The following KNG1 variants were observed in gnomAD, a reference collection of about 807,000 sequenced individuals.
The protein encoded by KNG1 is kininogen 1.
In KNG1, 23 loss-of-function variants were observed where a neutral mutation model predicts 47.8. The observed-to-expected ratio is 0.48, with a 90% CI of 0.35 to 0.68. The LOEUF (loss-of-function observed/expected upper bound fraction) is 0.68. KNG1 is among the 30% of genes least tolerant of loss of function. The pLI, the probability that KNG1 is intolerant of heterozygous loss-of-function variation, is 0.01. For missense variants in KNG1, 762 were observed against 790.2 expected, an observed-to-expected ratio of 0.96 and a Z score of 0.43; for synonymous variants, 277 against 277.0, an observed-to-expected ratio of 1.00 and a Z score of 0.00.
intron 6 of KNG1, 152 bp downstream of exon 6, chr3:186,731,781 C>G: frequency 1.5e-6 from 1 of 686,798 alleles, no homozygotes. Flanking sequence ...GATGAGAACA[C>G]TGTACCCCTT....
At chr3:186,727,457 T>G in intron 5 of KNG1, 113 bp downstream of exon 5, 2 of 727,140 alleles carry the variant, frequency 2.8e-6, no homozygotes, top group Non-Finnish European at 5.0e-6. Context: ...CATTCAGCAA[T>G]TCATATTCAC....
chr3:186,720,299 C>T (rs1720151327), intron 2 of KNG1, 84 bp downstream of exon 2: 1 of 817,268 alleles, frequency 1.2e-6, no homozygotes, highest in South Asian at 1.4e-5. Context: ...ATGATGGCTA[C>T]TGGTGAGCCT....
At chr3:186,724,409 T>C (rs1720291041) in intron 3 of KNG1, among the ~76,000 whole-genome samples, 1 of 152,206 alleles carries the variant, frequency 6.6e-6, no homozygotes. Flanking sequence ...TACTTGATAA[T>C]TTAATACAAA....
In KNG1 at chr3:186,742,530, A is replaced by G; in HGVS notation, c.*199A>G. 45 of 1,411,098 alleles carry G rather than the reference A, an allele frequency of 3.2e-5. No individual in the cohort carries two copies. Among genetic ancestry groups the G allele is most frequent in the Non-Finnish European group, 4.0e-5 (44 of 1,087,840 alleles). The allele number at this position is 1,411,098 out of a possible 1,614,324, so 87.4% of individuals were successfully genotyped here. On this transcript the variant is annotated 3_prime_UTR_variant, in exon 10 of 10. Coordinates refer to ENST00000644859, the MANE Select transcript of KNG1 (RefSeq NM_001102416.3). Reference sequence around the variant, plus strand: ...CATAAAATTGTGTGCCACAATTCTAACTCTTTTCTGAATCTTCTTCCCAAG... The same window carrying G: ...CATAAAATTGTGTGCCACAATTCTAGCTCTTTTCTGAATCTTCTTCCCAAG...
intron 5 of KNG1, among the ~76,000 whole-genome samples, chr3:186,730,148 ATTTTGT>A (rs1277455988): frequency 8.0e-6 from 1 of 125,756 alleles, no homozygotes; most frequent in Admixed American, 7.6e-5. Context: ...CATTTTTGTT[ATTTTGT>A]TTTTTTTTTC....
Position 186,740,477 on chromosome 3 carries a change from AC to A in KNG1, c.1126-1043del, listed in dbSNP as rs565220378. ...TACCCTTTCCATCACGATGCTGATTACCAGTAGGGTCTGGCCGGACTCCAAT... is the reference window on the plus strand; with the variant it reads ...TACCCTTTCCATCACGATGCTGATTACAGTAGGGTCTGGCCGGACTCCAAT... On this transcript the variant is annotated intron_variant, in intron 9 of 9. Coordinates refer to ENST00000644859, the MANE Select transcript of KNG1 (RefSeq NM_001102416.3). Among the ~76,000 whole-genome samples the A allele has an allele frequency of 1.2e-4, 19 of 152,344 alleles. No individual in the cohort carries two copies. In the South Asian group the frequency reaches 3.7e-3, roughly 30 times the overall value.
rs1720234567 is a variant in KNG1, at chr3:186,722,528, G to A, written c.391+7G>A. 2 of 1,606,328 alleles carry A rather than the reference G, an allele frequency of 1.2e-6. No individual in the cohort carries two copies. The highest frequency in any genetic ancestry group is 1.7e-6 in the Non-Finnish European group (2 of 1,173,676). ...ACCTGCCAGATTACTCCAGGTGGCT[G>A]GTTTATCCTCTGGCACTGCCCTGGT... is the stretch of plus-strand genomic sequence containing the variant. On this transcript the variant is annotated splice_region_variant and intron_variant, in intron 3 of 9. Transcript: ENST00000644859.
intron 4 of KNG1, among the ~76,000 whole-genome samples, chr3:186,726,789 C>T (rs775000684): frequency 2.0e-5 from 3 of 152,138 alleles, no homozygotes; most frequent in Non-Finnish European, 4.4e-5. Context: ...AATCTTACTA[C>T]TTGGTAACCT....
chr3:186,727,046 G>A (rs1243280729), intron 4 of KNG1, among the ~76,000 whole-genome samples, 191 bp from the exon 5 acceptor site: 1 of 151,532 alleles, frequency 6.6e-6, no homozygotes, highest in East Asian at 1.9e-4. Context: ...GTGTGTTTGT[G>A]TGAGAGATAT....
chr3:186,732,376 C>G, intron 6 of KNG1, 126 bp from the exon 7 acceptor site: 1 of 826,548 alleles, frequency 1.2e-6, no homozygotes. Flanking sequence ...CCTTCCCCCA[C>G]TCACTACTGG....
chr3:186,726,562 T>G (rs1720379695), intron 4 of KNG1, among the ~76,000 whole-genome samples: 1 of 152,176 alleles, frequency 6.6e-6, no homozygotes, highest in Admixed American at 6.5e-5. Flanking sequence ...AGTGCTGGGA[T>G]TACAGGCATG....
chr3:186,732,404 G>A, intron 6 of KNG1, 98 bp from the exon 7 acceptor site: 2 of 1,141,342 alleles, frequency 1.8e-6, no homozygotes, highest in Non-Finnish European at 2.7e-6. Flanking sequence ...CTCCCATGTA[G>A]CCCCTTATAC....
intron 7 of KNG1, 21 bp from the exon 8 acceptor site, chr3:186,739,078 T>C (rs1295888683): frequency 6.5e-6 from 10 of 1,545,388 alleles, no homozygotes; most frequent in Non-Finnish European, 8.9e-6. Context: ...AGCGTTTACT[T>C]TGTACTAATT....
At chr3:186,735,948 A>G (rs898637868) in intron 7 of KNG1, 1 of 152,176 alleles carries the variant, frequency 6.6e-6, no homozygotes, top group Non-Finnish European at 1.5e-5. Flanking sequence ...CAGCTCCCTT[A>G]TTCTTTATTC....
chr3:186,742,034 A>G lies in KNG1; in HGVS notation c.1638A>G (p.Thr546=), dbSNP rs750768320. Residue 546 remains threonine, a synonymous_variant, in exon 10 of 10, where the codon ACA becomes ACG. Coordinates refer to ENST00000644859, the MANE Select transcript of KNG1 (RefSeq NM_001102416.3). The part of the protein sequence containing the change: ...AQTQEKTEGP[T]PIPSLAKPGV... ...CACAAGAGAAGACAGAAGGGCCAAC[A>G]CCCATCCCTTCCCTAGCCAAGCCAG... 3 of 1,614,066 alleles carry G rather than the reference A, an allele frequency of 1.9e-6. No homozygotes were observed. The Admixed American group carries it at 5.0e-5, about 27-fold the overall frequency.
intron 6 of KNG1, among the ~76,000 whole-genome samples, chr3:186,731,892 C>G (rs962498285): frequency 6.6e-6 from 1 of 152,216 alleles, no homozygotes; most frequent in Non-Finnish European, 1.5e-5. Flanking sequence ...CCTTTGGGTA[C>G]AATGCCATCT....
At position 186,741,858 on chromosome 3, in the gene KNG1, G is replaced by T. The variant is rs1457309421; in HGVS notation, c.1462G>T (p.Gly488Cys). ...TGATGATGATCTTGAACACCAAGGG[G>T]GCCATGTCCTTGACCATGGACATAA... ...KLDDDLEHQG[G>C]HVLDHGHKHK... Residue 488 changes from glycine to cysteine, a missense_variant, in exon 10 of 10, where the codon GGC (glycine) becomes TGC (cysteine). Gly to Cys is a radical substitution (Grantham distance 159). Transcript: ENST00000644859. 1.2e-6 allele frequency: 2 copies of T among 1,613,668 alleles called. No homozygotes were observed. Among genetic ancestry groups the T allele is most frequent in the Admixed American group, 3.3e-5 (2 of 59,944 alleles).
rs778329612 is a variant in KNG1, at chr3:186,725,074, T to A, written c.392-14T>A. Reference sequence around the variant, plus strand: ...CGATCATTAATGCTGTGTTTTTGTCTGCTCTTTGTTAAGCCGAGGGCCCTG... The same window carrying A: ...CGATCATTAATGCTGTGTTTTTGTCAGCTCTTTGTTAAGCCGAGGGCCCTG... On this transcript the variant is annotated splice_polypyrimidine_tract_variant and intron_variant, in intron 3 of 9. Transcript: ENST00000644859. 1.9e-6 allele frequency: 3 copies of A among 1,613,870 alleles called. No homozygotes were observed. In the South Asian group the frequency reaches 3.3e-5, roughly 18 times the overall value.
chr3:186,732,750 T>G, intron 7 of KNG1, 76 bp downstream of exon 7: 1 of 1,176,362 alleles, frequency 8.5e-7, no homozygotes, highest in African/African-American at 1.5e-5. Flanking sequence ...CCACTGATCT[T>G]GGCTCTGGAT....
Sources: gnomAD v4.1 joint callset for allele counts (sites outside exome capture counted in the v4.1 genomes callset) on GRCh38, gnomAD v4.1.1 for gene constraint, MANE v1.5 for transcripts, NCBI Gene and HGNC (gene_info 2026-07-23, HGNC 2026-07-21) for gene names.